Variants in MYO3A observed in about 807,000 individuals in gnomAD.
The protein encoded by MYO3A is myosin IIIA.
In MYO3A, 180 loss-of-function variants were observed where a neutral mutation model predicts 192.7. That is an observed-to-expected ratio of 0.93 (90% CI 0.83 to 1.06). The LOEUF is 1.06. Among genes scored for constraint, MYO3A ranks in the 50% least tolerant of loss-of-function variants. The probability of loss-of-function intolerance (pLI) is 0.00; values close to 1 mark genes in which losing one functional copy is unlikely to be tolerated. For missense variants in MYO3A, 1,896 were observed against 1,905.0 expected (o/e 1.00, Z 0.09); for synonymous variants, 628 against 645.3 (o/e 0.97, Z 0.41).
chr10:26,000,918 T>C (rs905169308), intron 6 of MYO3A, among the ~76,000 whole-genome samples: 1 of 152,110 alleles, frequency 6.6e-6, no homozygotes, highest in Non-Finnish European at 1.5e-5. Flanking sequence ...CTTACAATCA[T>C]GGCAGGAGGG....
intron 27 of MYO3A, among the ~76,000 whole-genome samples, chr10:26,166,517 T>C (rs1257899146): frequency 1.3e-5 from 2 of 152,054 alleles, no homozygotes; most frequent in Non-Finnish European, 2.9e-5. Flanking sequence ...CTCCAGCCTA[T>C]GCAACTTAAG....
At chr10:26,140,082 G>C (rs1268103392) in intron 20 of MYO3A, among the ~76,000 whole-genome samples, 1 of 152,298 alleles carries the variant, frequency 6.6e-6, no homozygotes, top group East Asian at 1.9e-4. Context: ...ATGAAGGAAG[G>C]TCTCTCTGAG....
chr10:26,194,201 C>T (rs1843290062), intron 32 of MYO3A, among the ~76,000 whole-genome samples: 1 of 152,190 alleles, frequency 6.6e-6, no homozygotes, highest in East Asian at 1.9e-4. Flanking sequence ...TAATCGCATC[C>T]TCTCCAGCCT....
intron 30 of MYO3A, 138 bp downstream of exon 30, chr10:26,174,695 C>T (rs1842229939): frequency 2.6e-6 from 2 of 757,602 alleles, no homozygotes; most frequent in South Asian, 1.8e-5. Flanking sequence ...TAAAATGTCT[C>T]AGGGATTGTG....
intron 33 of MYO3A, among the ~76,000 whole-genome samples, chr10:26,202,351 A>C (rs1384493406): frequency 6.6e-6 from 1 of 152,214 alleles, no homozygotes; most frequent in Admixed American, 6.5e-5. Flanking sequence ...TTTATCTCTT[A>C]GGAAGTCCCA....
At chr10:26,099,420 T>C (rs944231124) in intron 17 of MYO3A, among the ~76,000 whole-genome samples, 5 of 152,232 alleles carry the variant, frequency 3.3e-5, no homozygotes, top group Non-Finnish European at 7.3e-5. Flanking sequence ...CCTGCCTGAT[T>C]GCCCTGGCCA....
intron 8 of MYO3A, chr10:26,023,385 C>G (rs1202753760): frequency 6.6e-6 from 1 of 152,470 alleles, no homozygotes; most frequent in Non-Finnish European, 1.5e-5. Context: ...AGATCAGCCT[C>G]ATTTTCAAAT....
In MYO3A at chr10:25,997,259, G is replaced by A. The variant is rs1462626958; in HGVS notation, c.508+1G>A. ...GGTGGAGTGAAACTAGTAGATTTTG[G>A]TAAGTTTTGTTTAAAATGCATGAGT... On this transcript the variant is annotated splice_donor_variant, in intron 6 of 34. Coordinates refer to ENST00000642920, the MANE Select transcript of MYO3A (RefSeq NM_017433.5). LOFTEE classifies it high-confidence loss of function. The A allele has an allele frequency of 1.2e-6, 2 of 1,603,676 alleles. No homozygotes were observed. The highest frequency in any genetic ancestry group is 1.7e-6 in the Non-Finnish European group (2 of 1,170,970).
chr10:25,934,950 C>T (rs1835951262), intron 1 of MYO3A, among the ~76,000 whole-genome samples: 1 of 152,016 alleles, frequency 6.6e-6, no homozygotes, highest in Non-Finnish European at 1.5e-5. Flanking sequence ...GGGGCGAGAA[C>T]TGAGGGGGCC....
At chr10:25,935,344 G>A (rs1024925525) in intron 1 of MYO3A, among the ~76,000 whole-genome samples, 2 of 152,118 alleles carry the variant, frequency 1.3e-5, no homozygotes, top group Non-Finnish European at 2.9e-5. Flanking sequence ...TTTTATTATT[G>A]TTAGAATGGA....
chr10:26,079,850 A>C (rs1835812194), intron 14 of MYO3A, among the ~76,000 whole-genome samples: 1 of 152,212 alleles, frequency 6.6e-6, no homozygotes, highest in Non-Finnish European at 1.5e-5. Flanking sequence ...ATAGGGTCCC[A>C]ATTCCTTCTA....
At chr10:26,041,778 T>C (rs1843363011) in intron 10 of MYO3A, among the ~76,000 whole-genome samples, 1 of 152,140 alleles carries the variant, frequency 6.6e-6, no homozygotes, top group African/African-American at 2.4e-5. Flanking sequence ...GTCCATATCT[T>C]CTTGTACTGT....
intron 34 of MYO3A, among the ~76,000 whole-genome samples, chr10:26,207,051 G>C (rs1411271522): frequency 2.0e-5 from 3 of 150,800 alleles, no homozygotes; most frequent in Non-Finnish European, 4.4e-5. Flanking sequence ...GGTTATTGGA[G>C]GGTTGTTTTC....
intron 32 of MYO3A, among the ~76,000 whole-genome samples, chr10:26,195,795 A>C (rs1284391760): frequency 1.3e-5 from 2 of 152,096 alleles, no homozygotes; most frequent in Non-Finnish European, 2.9e-5. Flanking sequence ...GTCACTCCCA[A>C]ATCCCAAGAG....
intron 2 of MYO3A, among the ~76,000 whole-genome samples, chr10:25,936,177 T>A (rs1360053415): frequency 2.0e-5 from 3 of 152,110 alleles, no homozygotes; most frequent in Admixed American, 6.5e-5. Context: ...AATTTGGTCA[T>A]GTCACATAAT....
chr10:26,056,318 AT>A (rs141271078), intron 10 of MYO3A, among the ~76,000 whole-genome samples: 122 of 152,326 alleles, frequency 8.0e-4, no homozygotes, highest in African/African-American at 2.8e-3. Flanking sequence ...AAAAACTGGA[AT>A]AGAAGATCTA....
chr10:26,003,116 G>T (rs888407010), intron 6 of MYO3A, among the ~76,000 whole-genome samples: 6 of 152,176 alleles, frequency 3.9e-5, no homozygotes, highest in African/African-American at 1.4e-4. Context: ...ATCTACAAGT[G>T]TGAAAAAGTC....
chr10:26,015,270 G>A (rs985098272), intron 6 of MYO3A, among the ~76,000 whole-genome samples: 1 of 151,768 alleles, frequency 6.6e-6, no homozygotes. Context: ...ATTCTGCCTG[G>A]AATTTTCCAC....
At position 25,978,398 on chromosome 10, in the gene MYO3A, G is replaced by T. The variant is rs1588692748; in HGVS notation, c.304-18092G>T. Among the ~76,000 whole-genome samples the T allele has an allele frequency of 2.0e-5, 3 of 152,198 alleles. No individual in the cohort carries two copies. The South Asian group carries it at 6.2e-4, about 32-fold the overall frequency. ...GAGCAAGTCACATCTCACGTGGATG[G>T]CAGTAGGCAAAGAGAGGAGCGCTTG... On this transcript the variant is annotated intron_variant, in intron 4 of 34. Coordinates refer to ENST00000642920, the MANE Select transcript of MYO3A (RefSeq NM_017433.5).
Sources: gnomAD v4.1 joint callset for allele counts (sites outside exome capture counted in the v4.1 genomes callset) on GRCh38, gnomAD v4.1.1 for gene constraint, MANE v1.5 for transcripts, NCBI Gene and HGNC (gene_info 2026-07-23, HGNC 2026-07-21) for gene names.